Variants in CYP39A1 observed in about 807,000 individuals in gnomAD.
CYP39A1 encodes 24-hydroxycholesterol 7-alpha-hydroxylase.
Under a neutral mutation model 58.1 loss-of-function variants are expected in CYP39A1, and 49 were observed. The observed-to-expected ratio is 0.84, with a 90% CI of 0.67 to 1.07. The LOEUF is 1.07. CYP39A1 is among the 50% of genes least tolerant of loss of function. The pLI is 0.00. For missense variants in CYP39A1, 531 were observed against 539.4 expected, an observed-to-expected ratio of 0.98 and a Z score of 0.16; for synonymous variants, 209 against 187.6, an observed-to-expected ratio of 1.11 and a Z score of -0.93.
chr6:46,594,361 C>G (rs980576886), intron 8 of CYP39A1, among the ~76,000 whole-genome samples: 1 of 151,746 alleles, frequency 6.6e-6, no homozygotes, highest in Non-Finnish European at 1.5e-5. Context: ...ACAAAAGACC[C>G]TTGAACAAAG....
chr6:46,584,847 T>G (rs1420082235), intron 10 of CYP39A1, among the ~76,000 whole-genome samples: 1 of 152,170 alleles, frequency 6.6e-6, no homozygotes, highest in African/African-American at 2.4e-5. Context: ...AGACATATCC[T>G]TTCTCTTGAA....
chr6:46,629,784 G>A (rs1023400369), intron 6 of CYP39A1, among the ~76,000 whole-genome samples: 6 of 152,164 alleles, frequency 3.9e-5, no homozygotes, highest in African/African-American at 1.4e-4. Flanking sequence ...TAGAAAACAA[G>A]TATATTTAAA....
At chr6:46,606,446 T>C (rs918284995) in intron 7 of CYP39A1, among the ~76,000 whole-genome samples, 1 of 152,184 alleles carries the variant, frequency 6.6e-6, no homozygotes, top group East Asian at 1.9e-4. Context: ...ACCCATACTG[T>C]GCATACTTCA....
chr6:46,631,096 A>ATGGTTTGGC, intron 5 of CYP39A1, 26 bp from the exon 6 acceptor site: 1 of 1,513,220 alleles, frequency 6.6e-7, no homozygotes, highest in Non-Finnish European at 9.2e-7. Context: ...AAACATTGCC[A>ATGGTTTGGC]AACCATGGCT....
intron 10 of CYP39A1, among the ~76,000 whole-genome samples, chr6:46,582,874 C>G (rs904026336): frequency 2.0e-5 from 3 of 152,062 alleles, no homozygotes; most frequent in Non-Finnish European, 2.9e-5. Flanking sequence ...TAACCTGACA[C>G]ATAGCACACA....
intron 8 of CYP39A1, among the ~76,000 whole-genome samples, chr6:46,590,857 G>A (rs1229485394): frequency 6.6e-6 from 1 of 152,036 alleles, no homozygotes; most frequent in African/African-American, 2.4e-5. Flanking sequence ...GTATATTCAT[G>A]GTGAATATTT....
intron 10 of CYP39A1, among the ~76,000 whole-genome samples, chr6:46,585,465 C>T (rs1772419883): frequency 6.6e-6 from 1 of 151,880 alleles, no homozygotes; most frequent in South Asian, 2.1e-4. Context: ...TGGTATGTGA[C>T]AAAAACAAAA....
chr6:46,627,427 T>A (rs879894272), intron 6 of CYP39A1, among the ~76,000 whole-genome samples: 1,423 of 127,452 alleles, frequency 0.011, 8 homozygotes, highest in Non-Finnish European at 0.014. Context: ...TATTTATTTT[T>A]TTTTTTTTTG....
At chr6:46,623,399 TG>T (rs1310647175) in intron 7 of CYP39A1, among the ~76,000 whole-genome samples, 1 of 151,964 alleles carries the variant, frequency 6.6e-6, no homozygotes, top group Non-Finnish European at 1.5e-5. Flanking sequence ...TTAACTTGAC[TG>T]GCCATGGGGT....
chr6:46,629,514 A>G (rs1474520082), intron 6 of CYP39A1, among the ~76,000 whole-genome samples: 1 of 152,216 alleles, frequency 6.6e-6, no homozygotes. Flanking sequence ...ATCAGATGAA[A>G]TGTATATTCC....
chr6:46,579,088 C>T (rs1401096130), intron 10 of CYP39A1, among the ~76,000 whole-genome samples: 1 of 151,974 alleles, frequency 6.6e-6, no homozygotes, highest in East Asian at 1.9e-4. Context: ...TTGATTTCAG[C>T]CATATACCAA....
chr6:46,606,830 G>T (rs1313324287), intron 7 of CYP39A1, among the ~76,000 whole-genome samples: 1 of 152,110 alleles, frequency 6.6e-6, no homozygotes, highest in Non-Finnish European at 1.5e-5. Flanking sequence ...ATAACAAATT[G>T]AAATTCTATT....
At chr6:46,591,695 T>C (rs1374076897) in intron 8 of CYP39A1, among the ~76,000 whole-genome samples, 1 of 152,048 alleles carries the variant, frequency 6.6e-6, no homozygotes, top group East Asian at 1.9e-4. Context: ...GATGGGATCA[T>C]GAAACCAAAA....
chr6:46,650,395 T>A (rs1762607886), intron 1 of CYP39A1, among the ~76,000 whole-genome samples: 1 of 143,074 alleles, frequency 7.0e-6, no homozygotes, highest in South Asian at 2.3e-4. Flanking sequence ...TTTTTTTTTA[T>A]CATACTGCCC....
chr6:46,585,725 C>T (rs1044593081), intron 10 of CYP39A1, among the ~76,000 whole-genome samples: 2 of 152,086 alleles, frequency 1.3e-5, no homozygotes, highest in Admixed American at 1.3e-4. Context: ...TATTATCTAA[C>T]ATAACAGGAA....
intron 10 of CYP39A1, among the ~76,000 whole-genome samples, chr6:46,571,700 G>T: frequency 6.6e-6 from 1 of 150,438 alleles, no homozygotes; most frequent in African/African-American, 2.4e-5. Context: ...TGTGACTTTT[G>T]ACTACATAAT....
Position 46,549,734 on chromosome 6 carries a change from A to T in CYP39A1, c.*632T>A, listed in dbSNP as rs796308498. ...CAATCAACATACATTTATTGAATATACTCTGTAAAGAAGGTGCAATCCTGA... is the reference window on the plus strand; with the variant it reads ...CAATCAACATACATTTATTGAATATTCTCTGTAAAGAAGGTGCAATCCTGA... On this transcript the variant is annotated 3_prime_UTR_variant, in exon 12 of 12. Coordinates refer to ENST00000275016, the MANE Select transcript of CYP39A1 (RefSeq NM_016593.5). The T allele has an allele frequency of 6.6e-6, 1 of 152,208 alleles. No individual in the cohort carries two copies. Among genetic ancestry groups the T allele is most frequent in the Non-Finnish European group, 1.5e-5 (1 of 68,032 alleles). 9.4% of individuals were successfully genotyped at this position (152,208 alleles called of 1,614,324 possible).
intron 1 of CYP39A1, among the ~76,000 whole-genome samples, chr6:46,649,151 A>G (rs1762516573): frequency 6.6e-6 from 1 of 152,218 alleles, no homozygotes; most frequent in African/African-American, 2.4e-5. Flanking sequence ...CCCAGCTGAC[A>G]CGGTTGGTGG....
In CYP39A1 at chr6:46,639,482, G is replaced by A. The variant is rs1347450264; in HGVS notation, c.488+12C>T. The A allele has an allele frequency of 1.9e-6, 3 of 1,611,112 alleles. No individual in the cohort carries two copies. The highest frequency in any genetic ancestry group is 3.4e-5 in the Admixed American group (2 of 59,370). On this transcript the variant is annotated intron_variant, in intron 3 of 11. Transcript: ENST00000275016. ...AAAAGCAAGACTAAATCATACTAAT[G>A]CGTCTATTTACCTTACTAAGTTGTT...
Sources: allele counts gnomAD v4.1 joint callset (sites outside exome capture counted in the v4.1 genomes callset), GRCh38; gene constraint gnomAD v4.1.1; transcripts MANE v1.5; gene names NCBI Gene and HGNC (gene_info 2026-07-23, HGNC 2026-07-21).